The following NUP155 variants were observed in gnomAD, a reference collection of about 807,000 sequenced individuals.
NUP155 encodes nuclear pore complex protein Nup155.
A neutral mutation model predicts 180.4 loss-of-function variants in NUP155; 71 were observed. The ratio of observed to expected loss-of-function variants is 0.39; its 90% CI spans 0.33 to 0.48. The LOEUF (loss-of-function observed/expected upper bound fraction) is 0.48. Among genes scored for constraint, NUP155 ranks in the 20% least tolerant of loss-of-function variants. The probability of loss-of-function intolerance (pLI) is 0.91; values close to 1 mark genes in which losing one functional copy is unlikely to be tolerated. For missense variants in NUP155, 1,553 were observed against 1,648.9 expected, an observed-to-expected ratio of 0.94 and a Z score of 1.01; for synonymous variants, 582 against 559.5, an observed-to-expected ratio of 1.04 and a Z score of -0.57.
intron 20 of NUP155, 80 bp from the exon 21 acceptor site, chr5:37,318,165 AAT>A (rs1352034826): frequency 5.6e-6 from 5 of 895,956 alleles, no homozygotes; most frequent in Middle Eastern, 2.2e-4. Context: ...TCAAACATTT[AAT>A]ATGTTTACTT....
intron 23 of NUP155, 140 bp from the exon 24 acceptor site, chr5:37,309,407 T>A: frequency 1.4e-6 from 1 of 740,150 alleles, no homozygotes; most frequent in Non-Finnish European, 2.2e-6. Context: ...AACTTACTTC[T>A]TAATTTTAGG....
At chr5:37,363,805 C>T (rs1179669881) in intron 3 of NUP155, 83 bp downstream of exon 3, 7 of 899,326 alleles carry the variant, frequency 7.8e-6, no homozygotes, top group African/African-American at 1.6e-5. Flanking sequence ...ATAAACCAAG[C>T]AGCTTCTAAT....
At chr5:37,361,077 T>A (rs994614635) in intron 3 of NUP155, among the ~76,000 whole-genome samples, 20 of 152,048 alleles carry the variant, frequency 1.3e-4, no homozygotes, top group Admixed American at 1.1e-3. Context: ...AAGACCAGCC[T>A]AGTCAATATA....
chr5:37,369,044 G>A (rs934421334), intron 1 of NUP155, among the ~76,000 whole-genome samples: 3 of 152,136 alleles, frequency 2.0e-5, no homozygotes, highest in Non-Finnish European at 2.9e-5. Context: ...CTTGATGCCA[G>A]GAATTTGAGA....
chr5:37,298,810 C>G, intron 32 of NUP155, 58 bp downstream of exon 32: 1 of 889,888 alleles, frequency 1.1e-6, no homozygotes, highest in East Asian at 2.4e-5. Flanking sequence ...TTGTCCATAT[C>G]AACGGAGAAA....
At chr5:37,346,130 T>C (rs1286867132) in intron 9 of NUP155, among the ~76,000 whole-genome samples, 2 of 151,840 alleles carry the variant, frequency 1.3e-5, no homozygotes, top group African/African-American at 4.8e-5. Context: ...AAAATAAAAT[T>C]AGGTGGGCAT....
At chr5:37,356,027 C>T (rs924005980) in intron 4 of NUP155, among the ~76,000 whole-genome samples, 1 of 151,552 alleles carries the variant, frequency 6.6e-6, no homozygotes, top group Non-Finnish European at 1.5e-5. Context: ...GTCGGGAGTT[C>T]AAGACCAGCC....
At chr5:37,312,029 T>C (rs984253447) in intron 22 of NUP155, among the ~76,000 whole-genome samples, 2 of 151,618 alleles carry the variant, frequency 1.3e-5, no homozygotes, top group Non-Finnish European at 2.9e-5. Context: ...TCAAAAAAAA[T>C]AAAAAACAAA....
At chr5:37,313,384 T>C (rs889561477) in intron 22 of NUP155, among the ~76,000 whole-genome samples, 3 of 151,100 alleles carry the variant, frequency 2.0e-5, no homozygotes, top group Non-Finnish European at 4.4e-5. Context: ...CGAGCCGAGA[T>C]TGCACAACTG....
chr5:37,341,598 T>C (rs184354714), intron 10 of NUP155, among the ~76,000 whole-genome samples: 12 of 152,286 alleles, frequency 7.9e-5, no homozygotes, highest in Non-Finnish European at 1.3e-4. Flanking sequence ...TGGAGTGTAG[T>C]GGCGCGATCT....
At chr5:37,361,257 C>T (rs1219062740) in intron 3 of NUP155, among the ~76,000 whole-genome samples, 10 of 107,474 alleles carry the variant, frequency 9.3e-5, no homozygotes, top group African/African-American at 4.6e-4. Flanking sequence ...CAGAGCGAGA[C>T]TCTGTCTCAA....
chr5:37,311,801 C>T (rs1040980782), intron 22 of NUP155, among the ~76,000 whole-genome samples: 1 of 152,112 alleles, frequency 6.6e-6, no homozygotes, highest in African/African-American at 2.4e-5. Flanking sequence ...AGGTAGATCA[C>T]CTGACGTCAG....
At chr5:37,346,215 C>A (rs1746073510) in intron 9 of NUP155, among the ~76,000 whole-genome samples, 1 of 151,352 alleles carries the variant, frequency 6.6e-6, no homozygotes, top group African/African-American at 2.4e-5. Flanking sequence ...GAAATTGAGG[C>A]TATAGCAGAC....
chr5:37,325,768 CAAAAAAAAAAA>C, intron 19 of NUP155, 122 bp downstream of exon 19: 1 of 357,388 alleles, frequency 2.8e-6, no homozygotes. Context: ...GACTCTGTCT[CAAAAAAAAAAA>C]AAAAAAAAAA....
chr5:37,301,488 A>T lies in NUP155; in HGVS notation c.3510T>A (p.Ser1170=), dbSNP rs760028676. Residue 1170 remains serine (S), a synonymous_variant, in exon 30 of 35, where the codon TCT becomes TCA. Transcript: ENST00000231498. The stretch of plus-strand genomic sequence containing the variant: ...CCAGCTGAGAAACTGCATCCTGTAC[A>T]GAAGAATGATGGGAATACTGCCTTT... ...TLQRQYSHHS[S]VQDAVSQLDS... 10 of 1,613,986 alleles carry T rather than the reference A, an allele frequency of 6.2e-6. No homozygotes were observed. In the South Asian group the frequency reaches 1.1e-4, roughly 18 times the overall value.
At chr5:37,370,765 T>C (rs1747909115) in intron 1 of NUP155, 56 bp downstream of exon 1, 2 of 1,613,550 alleles carry the variant, frequency 1.2e-6, no homozygotes. Flanking sequence ...AAGTAGCAAA[T>C]TAGGAAGTCA....
chr5:37,361,180 G>A (rs879888711), intron 3 of NUP155, among the ~76,000 whole-genome samples: 2 of 148,338 alleles, frequency 1.3e-5, no homozygotes, highest in African/African-American at 2.5e-5. Context: ...GAGGCAAGAA[G>A]TGCTTGAACC....
rs1249903086 is a variant in NUP155 at position 37,291,307 on chromosome 5, T to TTTTGACTCACTGAAACC, written c.*576_*592dup. ...CCTGGGCTGGAGTGCAATGGTGCGA[T>TTTTGACTCACTGAAACC]TTTGACTCACTGAAACCTCTGCCTC... is the stretch of plus-strand genomic sequence containing the variant. On this transcript the variant is annotated 3_prime_UTR_variant, in exon 35 of 35. Transcript: ENST00000231498. 6.5e-6 allele frequency: 1 copy of TTTTGACTCACTGAAACC among 153,088 alleles called. No individual in the cohort carries two copies. Among genetic ancestry groups the TTTTGACTCACTGAAACC allele is most frequent in the African/African-American group, 2.4e-5 (1 of 41,460 alleles). 9.5% of individuals were successfully genotyped at this position (153,088 alleles called of 1,614,324 possible).
At chr5:37,344,697 C>A (rs1745961194) in intron 9 of NUP155, among the ~76,000 whole-genome samples, 1 of 151,774 alleles carries the variant, frequency 6.6e-6, no homozygotes, top group African/African-American at 2.4e-5. Context: ...CATGGTAAAA[C>A]CCCGTCTCTA....
Sources: gnomAD v4.1 joint callset for allele counts (sites outside exome capture counted in the v4.1 genomes callset) on GRCh38, gnomAD v4.1.1 for gene constraint, MANE v1.5 for transcripts, NCBI Gene and HGNC (gene_info 2026-07-23, HGNC 2026-07-21) for gene names.